Variants in BRD4 observed in about 807,000 individuals in gnomAD.
BRD4 encodes bromodomain-containing protein 4.
Under a neutral mutation model 142.1 loss-of-function variants are expected in BRD4, and 16 were observed. That is an observed-to-expected ratio of 0.11 (90% CI 0.08 to 0.17). The LOEUF is 0.17. Among genes scored for constraint, BRD4 ranks in the 10% least tolerant of loss-of-function variants. The pLI, the probability that BRD4 is intolerant of heterozygous loss-of-function variation, is 1.00. For missense variants in BRD4, 1,424 were observed against 1,810.9 expected (o/e 0.79, Z 3.88); for synonymous variants, 833 against 707.5 (o/e 1.18, Z -2.82).
chr19:15,281,949 C>G (rs1168290470), intron 1 of BRD4, among the ~76,000 whole-genome samples: 1 of 152,152 alleles, frequency 6.6e-6, no homozygotes, highest in Admixed American at 6.5e-5. Context: ...ACTTGGGAGG[C>G]AGAGGTTGCA....
chr19:15,260,327 T>C (rs1251323216), intron 7 of BRD4, among the ~76,000 whole-genome samples: 1 of 152,194 alleles, frequency 6.6e-6, no homozygotes. Context: ...CAGGTCCCAA[T>C]AGCTCCTGAA....
At chr19:15,302,582 T>C (rs2047878391) in intron 1 of BRD4, among the ~76,000 whole-genome samples, 1 of 135,310 alleles carries the variant, frequency 7.4e-6, no homozygotes, top group Admixed American at 8.7e-5. Context: ...GGCAGGAGAA[T>C]TGCTTGAGCC....
chr19:15,301,865 GAAAAAA>G (rs952860124), intron 1 of BRD4, among the ~76,000 whole-genome samples: 9 of 40,476 alleles, frequency 2.2e-4, no homozygotes, highest in South Asian at 9.5e-4. Flanking sequence ...CCGTCTCAAA[GAAAAAA>G]AAAAAAAAAA....
In BRD4 at chr19:15,264,589, C is replaced by T. The variant is rs1448694650; in HGVS notation, c.1027G>A (p.Ala343Thr). The change falls in exon 6 of 20, where the codon GCA becomes ACA. Residue 343 changes from alanine to threonine, a missense_variant. Around this residue, in one of 16 missense-constraint regions of BRD4, gnomAD observed 86 missense variants for 79.9 expected, o/e 1.08. Coordinates refer to ENST00000679869, the MANE Select transcript of BRD4 (RefSeq NM_001379291.1). Reference sequence around the variant, plus strand: ...GAGACCTTGCTGCTCTTCTCTGGTGCTGGGTGCTGCTGAGAGTCGGGCACG... The same window carrying T: ...GAGACCTTGCTGCTCTTCTCTGGTGTTGGGTGCTGCTGAGAGTCGGGCACG... ...KDVPDSQQHP[A>T]PEKSSKVSEQ... 6.2e-7 allele frequency: 1 copy of T among 1,614,164 alleles called. No individual in the cohort carries two copies. The highest frequency in any genetic ancestry group is 8.5e-7 in the Non-Finnish European group (1 of 1,180,042).
intron 1 of BRD4, among the ~76,000 whole-genome samples, chr19:15,294,005 G>A (rs2047804126): frequency 6.6e-6 from 1 of 152,164 alleles, no homozygotes; most frequent in Non-Finnish European, 1.5e-5. Context: ...ACCGTTTCCT[G>A]GCATACGATT....
chr19:15,278,765 T>C (rs979140155), intron 1 of BRD4, among the ~76,000 whole-genome samples: 2 of 152,042 alleles, frequency 1.3e-5, no homozygotes, highest in African/African-American at 4.8e-5. Flanking sequence ...CCAAGAAAAT[T>C]TGGGAACTTC....
chr19:15,323,261 A>T (rs77519091), intron 1 of BRD4, among the ~76,000 whole-genome samples: 3 of 149,748 alleles, frequency 2.0e-5, no homozygotes, highest in Non-Finnish European at 4.4e-5. Context: ...ATCAAAACCT[A>T]TGCGCCCTAC....
intron 1 of BRD4, among the ~76,000 whole-genome samples, chr19:15,325,191 A>G (rs2048096527): frequency 6.6e-6 from 1 of 152,238 alleles, no homozygotes; most frequent in South Asian, 2.1e-4. Flanking sequence ...CTCATCTGAA[A>G]GATGGGCCAA....
Position 15,272,972 on chromosome 19 carries a change from G to A in BRD4, c.128C>T (p.Thr43Ile), listed in dbSNP as rs779939979. Residue 43 changes from threonine (T) to isoleucine (I), a missense_variant, in exon 2 of 20, where the codon ACC becomes ATC. This residue lies in a region of BRD4 where 70 missense variants were observed against 69.8 expected (regional missense o/e 1.00). Coordinates refer to ENST00000679869, the MANE Select transcript of BRD4 (RefSeq NM_001379291.1). The part of the protein sequence containing the change: ...AQPQPANAAS[T>I]NPPPPETSNP... The stretch of plus-strand genomic sequence containing the variant: ...GGAGGTCTCTGGGGGCGGGGGGTTG[G>A]TGCTGGCTGCGTTGGCTGGCTGGGG... 1 of 1,614,172 alleles carries A rather than the reference G, an allele frequency of 6.2e-7. No homozygotes were observed. The highest frequency in any genetic ancestry group is 8.5e-7 in the Non-Finnish European group (1 of 1,180,034).
intron 1 of BRD4, among the ~76,000 whole-genome samples, chr19:15,299,616 T>C (rs2047851579): frequency 6.6e-6 from 1 of 152,204 alleles, no homozygotes; most frequent in Admixed American, 6.5e-5. Flanking sequence ...TATGGACACA[T>C]GTAGAGACAC....
intron 1 of BRD4, among the ~76,000 whole-genome samples, chr19:15,329,239 G>A (rs1011675896): frequency 1.3e-5 from 2 of 152,014 alleles, no homozygotes; most frequent in Non-Finnish European, 1.5e-5. Context: ...GAAACATTAG[G>A]AGCTCCAATG....
chr19:15,253,567 C>G, intron 11 of BRD4: 1 of 1,568,128 alleles, frequency 6.4e-7, no homozygotes, highest in Non-Finnish European at 8.6e-7. Flanking sequence ...TCAGGAGCAG[C>G]CAACACAGCA....
intron 11 of BRD4, chr19:15,253,116 G>A (rs1040769183): frequency 2.3e-5 from 6 of 261,714 alleles, no homozygotes; most frequent in Admixed American, 5.0e-5. Flanking sequence ...CCACTCCCCA[G>A]TCTGCCTGAG....
chr19:15,282,447 A>AAACC (rs1189514413), intron 1 of BRD4, among the ~76,000 whole-genome samples: 2 of 152,176 alleles, frequency 1.3e-5, no homozygotes, highest in Non-Finnish European at 2.9e-5. Flanking sequence ...CTTACACTGA[A>AAACC]AACCAACCAA....
chr19:15,239,817 A>G lies in BRD4; in HGVS notation c.3287T>C (p.Leu1096Pro). ...GGGCTGGACCACGGAGGCAGCACGC[A>G]GCTCCTGGGATGGCACAGGCACAGC... ...QQNVQPKKQE[L>P]RAASVVQPQP... The change falls in exon 16 of 20, where the codon CTG becomes CCG. Residue 1096 changes from leucine to proline, a missense_variant. Around this residue, in one of 16 missense-constraint regions of BRD4, gnomAD observed 598 missense variants for 647.8 expected, o/e 0.92. Transcript: ENST00000679869. This position sits in a 1 kb window ranked among gnomAD's most constrained non-coding sequence, Gnocchi z 7.4. The G allele has an allele frequency of 6.2e-7, 1 of 1,613,698 alleles. No homozygotes were observed.
chr19:15,260,891 GA>G (rs914593628), intron 7 of BRD4, among the ~76,000 whole-genome samples: 4 of 151,942 alleles, frequency 2.6e-5, no homozygotes, highest in Non-Finnish European at 5.9e-5. Flanking sequence ...GGAGAGGACA[GA>G]AAAAATGAGA....
intron 14 of BRD4, 77 bp downstream of exon 14, chr19:15,242,823 A>AC: frequency 1.9e-6 from 3 of 1,544,822 alleles, no homozygotes; most frequent in Non-Finnish European, 2.6e-6. Context: ...GCATGAGTTA[A>AC]CCCTTCTGGC....
At chr19:15,286,964 A>G (rs1470750294) in intron 1 of BRD4, among the ~76,000 whole-genome samples, 8 of 152,250 alleles carry the variant, frequency 5.3e-5, no homozygotes, top group Non-Finnish European at 1.2e-4. Context: ...CTGGGGCCAC[A>G]GGGATGGGGA....
At chr19:15,257,568 GAGC>G (rs2047425446) in intron 7 of BRD4, among the ~76,000 whole-genome samples, 1 of 152,130 alleles carries the variant, frequency 6.6e-6, no homozygotes, top group Non-Finnish European at 1.5e-5. Context: ...GCGTGCGGGG[GAGC>G]AGGAGTTGTC....
Sources: gnomAD v4.1 joint callset for allele counts (sites outside exome capture counted in the v4.1 genomes callset) on GRCh38, gnomAD v4.1.1 for gene constraint, gnomAD v4.1.1 regional missense constraint, Gnocchi (gnomAD v3.1) non-coding constraint, MANE v1.5 for transcripts, NCBI Gene and HGNC (gene_info 2026-07-23, HGNC 2026-07-21) for gene names.